The following ZCWPW2 variants were observed in gnomAD, a reference collection of about 807,000 sequenced individuals.
ZCWPW2 encodes the protein zinc finger CW-type PWWP domain protein 2.
ZCWPW2 carries 45 observed loss-of-function variants against 46.6 expected under a neutral mutation model. The ratio of observed to expected loss-of-function variants is 0.96; its 90% confidence interval spans 0.76 to 1.24. The LOEUF (loss-of-function observed/expected upper bound fraction) is 1.24, where lower values mean the gene tolerates loss of function less well. ZCWPW2 is among the 50% of genes most tolerant of loss of function. ZCWPW2 has a pLI of 0.00. For missense variants in ZCWPW2, 429 were observed against 403.9 expected (o/e 1.06, Z -0.53); for synonymous variants, 152 against 137.1 (o/e 1.11, Z -0.76).
intron 3 of ZCWPW2, among the ~76,000 whole-genome samples, chr3:28,420,354 G>T (rs1575112990): frequency 6.6e-6 from 1 of 151,850 alleles, no homozygotes; most frequent in African/African-American, 2.4e-5. Flanking sequence ...GTTCTCGTTG[G>T]TTTCAAAGAA....
At chr3:28,483,372 T>C (rs1395362555) in intron 5 of ZCWPW2, among the ~76,000 whole-genome samples, 3 of 152,202 alleles carry the variant, frequency 2.0e-5, no homozygotes, top group East Asian at 3.8e-4. Context: ...AATACCACAC[T>C]GTATTGATTA....
chr3:28,410,423 A>AT (rs35674547), intron 2 of ZCWPW2, among the ~76,000 whole-genome samples: 82,438 of 151,658 alleles, frequency 0.54, 22,938 homozygotes, highest in African/African-American at 0.6. Context: ...AATATGCATC[A>AT]TTTTTTGCAC....
At chr3:28,488,116 C>T (rs1168423310) in intron 5 of ZCWPW2, among the ~76,000 whole-genome samples, 1 of 152,136 alleles carries the variant, frequency 6.6e-6, no homozygotes, top group Admixed American at 6.5e-5. Context: ...ACGTAAAACT[C>T]AATAAAAGGG....
intron 4 of ZCWPW2, among the ~76,000 whole-genome samples, chr3:28,472,480 C>G (rs1699075734): frequency 6.6e-6 from 1 of 152,024 alleles, no homozygotes; most frequent in Non-Finnish European, 1.5e-5. Flanking sequence ...AGGAAAAGGA[C>G]AGTCTACAAT....
intron 3 of ZCWPW2, among the ~76,000 whole-genome samples, chr3:28,423,301 A>G (rs1245420986): frequency 7.8e-6 from 1 of 127,406 alleles, no homozygotes; most frequent in Admixed American, 7.6e-5. Flanking sequence ...TTTGTTTCTT[A>G]TTGATCCTGT....
chr3:28,435,992 T>C (rs1426049323), intron 4 of ZCWPW2, among the ~76,000 whole-genome samples: 1 of 152,204 alleles, frequency 6.6e-6, no homozygotes, highest in African/African-American at 2.4e-5. Context: ...ATTTCATTTA[T>C]ACTAACTCCT....
intron 9 of ZCWPW2, among the ~76,000 whole-genome samples, chr3:28,522,650 A>G: frequency 6.6e-6 from 1 of 152,184 alleles, no homozygotes; most frequent in East Asian, 1.9e-4. Flanking sequence ...AGTAATATTA[A>G]CGTTAAGAAC....
intron 2 of ZCWPW2, among the ~76,000 whole-genome samples, chr3:28,404,462 G>A (rs1261747729): frequency 6.6e-6 from 1 of 152,170 alleles, no homozygotes; most frequent in Non-Finnish European, 1.5e-5. Context: ...GGAAAACAGT[G>A]TGGAGATTCC....
intron 2 of ZCWPW2, among the ~76,000 whole-genome samples, chr3:28,393,466 A>G (rs1695575837): frequency 6.6e-6 from 1 of 152,144 alleles, no homozygotes; most frequent in Admixed American, 6.5e-5. Context: ...TTATACCACA[A>G]TCAGACAAGG....
At chr3:28,433,261 T>G (rs1351261500) in intron 3 of ZCWPW2, among the ~76,000 whole-genome samples, 2 of 152,196 alleles carry the variant, frequency 1.3e-5, no homozygotes, top group African/African-American at 2.4e-5. Flanking sequence ...AGTCCTTTTC[T>G]TTTTTTCCTT....
intron 4 of ZCWPW2, among the ~76,000 whole-genome samples, chr3:28,438,718 T>C (rs908899998): frequency 1.3e-5 from 2 of 152,020 alleles, no homozygotes; most frequent in Non-Finnish European, 1.5e-5. Context: ...TGATGGCAGA[T>C]CTACTAGACA....
intron 2 of ZCWPW2, among the ~76,000 whole-genome samples, chr3:28,404,742 G>A (rs1696088269): frequency 1.3e-5 from 2 of 152,188 alleles, no homozygotes; most frequent in Admixed American, 6.5e-5. Context: ...ACCTGGATGA[G>A]ATTGGAGACT....
At chr3:28,351,251 A>T (rs536599150) in intron 1 of ZCWPW2, among the ~76,000 whole-genome samples, 10 of 148,732 alleles carry the variant, frequency 6.7e-5, no homozygotes, top group South Asian at 6.3e-4. Context: ...TTATATAAAA[A>T]ATATATATAT....
At chr3:28,518,533 G>T (rs1700639252) in intron 8 of ZCWPW2, among the ~76,000 whole-genome samples, 1 of 152,158 alleles carries the variant, frequency 6.6e-6, no homozygotes, top group Admixed American at 6.5e-5. Flanking sequence ...AGTCAGGTTG[G>T]TGTTGTAAAC....
chr3:28,447,660 AT>A, intron 4 of ZCWPW2: 1 of 370,666 alleles, frequency 2.7e-6, no homozygotes, highest in Non-Finnish European at 5.3e-6. Flanking sequence ...AGCCAGAGCA[AT>A]TAGGCAAGAA....
At chr3:28,470,820 A>T (rs1463615121) in intron 4 of ZCWPW2, among the ~76,000 whole-genome samples, 1 of 151,774 alleles carries the variant, frequency 6.6e-6, no homozygotes, top group Non-Finnish European at 1.5e-5. Flanking sequence ...CAACAAAACA[A>T]TTTTTTTTGA....
chr3:28,443,402 G>A (rs1399506452), intron 4 of ZCWPW2, among the ~76,000 whole-genome samples: 1 of 152,104 alleles, frequency 6.6e-6, no homozygotes, highest in Non-Finnish European at 1.5e-5. Context: ...CTGTAAACTG[G>A]CTCAAGTCTG....
intron 1 of ZCWPW2, among the ~76,000 whole-genome samples, chr3:28,359,580 G>A (rs1019605722): frequency 3.9e-5 from 6 of 152,036 alleles, no homozygotes; most frequent in Admixed American, 3.9e-4. Flanking sequence ...TCGTAATCCT[G>A]ACTTTGTAAA....
chr3:28,474,620 T>TGTGTGCGCGCGC (rs777191108), intron 4 of ZCWPW2, among the ~76,000 whole-genome samples: 3 of 121,630 alleles, frequency 2.5e-5, no homozygotes, highest in African/African-American at 8.5e-5. Flanking sequence ...TGTGTGTGTG[T>TGTGTGCGCGCGC]GCGCGCGCGC....
Sources: allele counts gnomAD v4.1 joint callset (sites outside exome capture counted in the v4.1 genomes callset), GRCh38; gene constraint gnomAD v4.1.1; transcripts MANE v1.5; gene names NCBI Gene and HGNC (gene_info 2026-07-23, HGNC 2026-07-21).